ELOVL7: variants seen among roughly 807,000 people sequenced by gnomAD.
ELOVL7 encodes ELOVL fatty acid elongase 7.
ELOVL7 carries 27 observed loss-of-function variants against 35.7 expected under a neutral mutation model. The observed-to-expected ratio is 0.76, with a 90% CI of 0.56 to 1.04. The LOEUF (loss-of-function observed/expected upper bound fraction) is 1.04. ELOVL7 is among the 50% of genes least tolerant of loss of function. ELOVL7 has a pLI of 0.00. For synonymous variants in ELOVL7, 113 were observed against 114.6 expected, an observed-to-expected ratio of 0.99 and a Z score of 0.09; for missense variants, 327 against 340.8, an observed-to-expected ratio of 0.96 and a Z score of 0.32.
rs191853281 is a variant in ELOVL7 at position 60,788,881 on chromosome 5, G to A, written c.-34-1450C>T. Among the ~76,000 whole-genome samples the A allele has an allele frequency of 1.9e-3, 292 of 152,198 alleles. 1 individual carries two copies. Among genetic ancestry groups the A allele is most frequent in the Non-Finnish European group, 3.4e-3 (232 of 68,004 alleles). ...AAGCCATTTTACTTACGTAAGTATA[G>A]GTAAAATTATATATGGCATATGCTA... On this transcript the variant is annotated intron_variant, in intron 2 of 8. Coordinates refer to ENST00000508821, the MANE Select transcript of ELOVL7 (RefSeq NM_024930.3).
chr5:60,773,354 TG>T (rs1176615300), intron 3 of ELOVL7, among the ~76,000 whole-genome samples: 6 of 152,174 alleles, frequency 3.9e-5, no homozygotes, highest in Admixed American at 3.9e-4. Flanking sequence ...CTGCTAATGA[TG>T]TGGCCAAGCA....
chr5:60,777,495 CTTACACTTAGACTGCCTTTAAAACATT>C (rs973278222), intron 3 of ELOVL7, among the ~76,000 whole-genome samples: 7 of 151,996 alleles, frequency 4.6e-5, no homozygotes, highest in Non-Finnish European at 1.0e-4. Context: ...TTTAAAACAT[CTTACACTTAGACTGCCTTTAAAACATT>C]CATATGAAGT....
chr5:60,831,584 CA>C (rs1746481320), intron 1 of ELOVL7, among the ~76,000 whole-genome samples: 1 of 152,152 alleles, frequency 6.6e-6, no homozygotes, highest in Non-Finnish European at 1.5e-5. Context: ...GAAATGCTTT[CA>C]AAGAGTTTAC....
chr5:60,760,854 A>G (rs551958502), intron 7 of ELOVL7, among the ~76,000 whole-genome samples: 5 of 152,098 alleles, frequency 3.3e-5, no homozygotes, highest in Non-Finnish European at 7.4e-5. Context: ...AGGAGTGCCT[A>G]TTTTCTATTT....
chr5:60,826,823 T>C (rs1325550381), intron 1 of ELOVL7, among the ~76,000 whole-genome samples: 1 of 152,144 alleles, frequency 6.6e-6, no homozygotes, highest in East Asian at 1.9e-4. Context: ...GGGACATTGT[T>C]TTCTCTGCTT....
At chr5:60,756,149 T>C (rs1046140141) in intron 8 of ELOVL7, among the ~76,000 whole-genome samples, 9 of 152,162 alleles carry the variant, frequency 5.9e-5, no homozygotes, top group African/African-American at 2.2e-4. Flanking sequence ...TTTGAGAATA[T>C]GATGAAAAAA....
chr5:60,764,131 T>C (rs1248674683), intron 7 of ELOVL7, 96 bp downstream of exon 7: 1 of 784,154 alleles, frequency 1.3e-6, no homozygotes, highest in African/African-American at 1.8e-5. Flanking sequence ...TTTGATTTTT[T>C]TGAGTTTCTT....
chr5:60,830,091 A>G (rs1746392601), intron 1 of ELOVL7, among the ~76,000 whole-genome samples: 1 of 152,106 alleles, frequency 6.6e-6, no homozygotes, highest in Non-Finnish European at 1.5e-5. Flanking sequence ...CTTGCTCACA[A>G]CCACAGCTCA....
chr5:60,805,226 T>C (rs867727713), intron 1 of ELOVL7, among the ~76,000 whole-genome samples: 1 of 152,246 alleles, frequency 6.6e-6, no homozygotes, highest in Non-Finnish European at 1.5e-5. Context: ...AAGTATATGT[T>C]ATAGGCCAAA....
chr5:60,841,023 C>CTT (rs59046428), intron 1 of ELOVL7, among the ~76,000 whole-genome samples: 10 of 125,358 alleles, frequency 8.0e-5, no homozygotes, highest in South Asian at 5.1e-4. Context: ...AATTACTTTC[C>CTT]TTTTTTTTTT....
chr5:60,804,176 T>C (rs1262517583), intron 1 of ELOVL7, among the ~76,000 whole-genome samples: 1 of 152,116 alleles, frequency 6.6e-6, no homozygotes. Flanking sequence ...CAGTAGAAAA[T>C]ACAATTCACG....
intron 1 of ELOVL7, among the ~76,000 whole-genome samples, chr5:60,814,308 TC>T (rs1406601391): frequency 6.6e-6 from 1 of 152,184 alleles, no homozygotes; most frequent in African/African-American, 2.4e-5. Context: ...AGCCTTCTCA[TC>T]CAGCCTCAGT....
chr5:60,762,046 T>C (rs6894261), intron 7 of ELOVL7, among the ~76,000 whole-genome samples: 27,798 of 151,962 alleles, frequency 0.18, 4,527 homozygotes, highest in African/African-American at 0.44. Flanking sequence ...ATTCCACATG[T>C]AAGACTGAAC....
At chr5:60,816,312 C>T (rs1217998491) in intron 1 of ELOVL7, among the ~76,000 whole-genome samples, 4 of 150,712 alleles carry the variant, frequency 2.7e-5, no homozygotes, top group Admixed American at 6.6e-5. Flanking sequence ...TCAGAGGAGG[C>T]GGAAGTTGCA....
chr5:60,787,297 G>A, intron 3 of ELOVL7, 37 bp downstream of exon 3: 1 of 1,516,122 alleles, frequency 6.6e-7, no homozygotes, highest in Non-Finnish European at 9.0e-7. Context: ...ACATAAAAAG[G>A]AAGGATGAAC....
intron 6 of ELOVL7, among the ~76,000 whole-genome samples, chr5:60,765,997 C>T (rs1413834562): frequency 6.6e-6 from 1 of 152,148 alleles, no homozygotes; most frequent in Non-Finnish European, 1.5e-5. Context: ...ACACGTGCTT[C>T]TCCCAAGACC....
At chr5:60,832,158 A>G (rs1351628492) in intron 1 of ELOVL7, among the ~76,000 whole-genome samples, 1 of 152,210 alleles carries the variant, frequency 6.6e-6, no homozygotes, top group Non-Finnish European at 1.5e-5. Flanking sequence ...GCCACCACTC[A>G]GGTGACCTTG....
rs573378520 is a variant in ELOVL7, at chr5:60,797,615, T to C, written c.-35+1565A>G. 9.8e-5 allele frequency among the ~76,000 whole-genome samples: 15 copies of C among 152,296 alleles called. No individual in the cohort carries two copies. The South Asian group carries it at 2.7e-3, about 27-fold the overall frequency. On this transcript the variant is annotated intron_variant, in intron 2 of 8. Coordinates refer to ENST00000508821, the MANE Select transcript of ELOVL7 (RefSeq NM_024930.3). ...AGAAAGGTAATAAGCCCTGAGGAAG[T>C]GCCAGGTAGGATAACAGGAGGCAAG...
chr5:60,794,889 G>A (rs1203457406), intron 2 of ELOVL7, among the ~76,000 whole-genome samples: 1 of 152,122 alleles, frequency 6.6e-6, no homozygotes, highest in East Asian at 1.9e-4. Flanking sequence ...TGGAACTGGG[G>A]ACTGCAGGGT....
Sources: allele counts gnomAD v4.1 joint callset (sites outside exome capture counted in the v4.1 genomes callset), GRCh38; gene constraint gnomAD v4.1.1; transcripts MANE v1.5; gene names NCBI Gene and HGNC (gene_info 2026-07-23, HGNC 2026-07-21).